The following USP32 variants were observed in gnomAD, a reference collection of about 807,000 sequenced individuals.
USP32 encodes ubiquitin carboxyl-terminal hydrolase 32.
In USP32, 59 loss-of-function variants were observed where a neutral mutation model predicts 204.8. The ratio of observed to expected loss-of-function variants is 0.29; its 90% CI spans 0.23 to 0.36. USP32 has a LOEUF of 0.36. Ranked by LOEUF, USP32 falls within the 10% of genes least tolerant of loss-of-function variation. USP32 has a pLI of 1.00. For missense variants in USP32, 1,160 were observed against 1,946.4 expected (o/e 0.60, Z 7.60); for synonymous variants, 517 against 678.4 (o/e 0.76, Z 3.70).
chr17:60,392,577 G>T, upstream of USP32: 1 of 437,482 alleles, frequency 2.3e-6, no homozygotes, highest in Non-Finnish European at 4.6e-6. Flanking sequence ...TAACATGGAA[G>T]ACCGCAGAAT....
At chr17:60,418,021 C>T (rs540943074) in intron 1 of USP32, among the ~76,000 whole-genome samples, 19 of 149,234 alleles carry the variant, frequency 1.3e-4, no homozygotes, top group Admixed American at 5.3e-4. Context: ...TGCAATGGCA[C>T]GATCTCGGCT....
chr17:60,268,705 T>G (rs558175891), intron 7 of USP32, among the ~76,000 whole-genome samples: 2 of 152,210 alleles, frequency 1.3e-5, no homozygotes, highest in Admixed American at 1.3e-4. Flanking sequence ...AGATTTGAAT[T>G]TTTAGTTGAA....
At chr17:60,215,644 G>A (rs1344847159) in intron 16 of USP32, among the ~76,000 whole-genome samples, 1 of 151,756 alleles carries the variant, frequency 6.6e-6, no homozygotes, top group African/African-American at 2.4e-5. Flanking sequence ...TGGCACAGTG[G>A]TACAACTGCA....
intron 2 of USP32, among the ~76,000 whole-genome samples, chr17:60,331,643 C>T (rs1180904735): frequency 6.9e-6 from 1 of 143,972 alleles, no homozygotes; most frequent in Non-Finnish European, 1.5e-5. Context: ...GGCACAGTGG[C>T]TCACACCTGT....
intron 30 of USP32, among the ~76,000 whole-genome samples, chr17:60,184,422 A>C (rs902541714): frequency 3.3e-5 from 5 of 152,036 alleles, no homozygotes; most frequent in East Asian, 1.9e-4. Flanking sequence ...CAATGTTATT[A>C]ATTTCTTGTG....
Position 60,407,873 on chromosome 17 carries a change from G to A in USP32, c.106+14373C>T, listed in dbSNP as rs192582688. 2.5e-4 allele frequency among the ~76,000 whole-genome samples: 38 copies of A among 151,886 alleles called. 1 individual carries two copies. The highest frequency in any genetic ancestry group is 2.0e-3 in the Admixed American group (30 of 15,240). On this transcript the variant is annotated intron_variant, in intron 1 of 3. Coordinates refer to the USP32 transcript ENST00000588898. ...AGCACTTTGGGAGGCCAAGGCAGGC[G>A]GATTGCCTGAGGTCAGGAGTTCGAG...
chr17:60,363,422 T>C (rs1255063581), intron 1 of USP32, among the ~76,000 whole-genome samples: 2 of 146,160 alleles, frequency 1.4e-5, no homozygotes, highest in South Asian at 2.3e-4. Context: ...GCCACTGCAC[T>C]TCGGCCTGGG....
rs528185381 is a variant in USP32 at position 60,247,688 on chromosome 17, G to T, written c.1136+4693C>A. On this transcript the variant is annotated intron_variant, in intron 11 of 33. Coordinates refer to ENST00000300896, the MANE Select transcript of USP32 (RefSeq NM_032582.4). ...GTTTGTTTGTTTTGGTTTTTTTTTTGTTTGTTTGTTTTTGAGACAGAGTCT... is the reference window on the plus strand; with the variant it reads ...GTTTGTTTGTTTTGGTTTTTTTTTTTTTTGTTTGTTTTTGAGACAGAGTCT... 2.7e-4 allele frequency among the ~76,000 whole-genome samples: 40 copies of T among 149,062 alleles called. 1 individual carries two copies. The highest frequency in any genetic ancestry group is 7.7e-4 in the African/African-American group (31 of 40,100).
At chr17:60,387,479 G>A (rs1017845351) in intron 1 of USP32, among the ~76,000 whole-genome samples, 3 of 152,116 alleles carry the variant, frequency 2.0e-5, no homozygotes, top group East Asian at 3.8e-4. Flanking sequence ...CTGTATTTCC[G>A]TAGCACTTTC....
chr17:60,405,009 C>T (rs2089964420), intron 1 of USP32, among the ~76,000 whole-genome samples: 1 of 152,014 alleles, frequency 6.6e-6, no homozygotes, highest in Non-Finnish European at 1.5e-5. Flanking sequence ...AAACCCTCGT[C>T]TCTACTAAAA....
chr17:60,330,982 G>A (rs2088368441), intron 2 of USP32, among the ~76,000 whole-genome samples: 1 of 152,060 alleles, frequency 6.6e-6, no homozygotes, highest in Non-Finnish European at 1.5e-5. Flanking sequence ...TTTCACTCAA[G>A]CTAGTCATAT....
intron 11 of USP32, chr17:60,245,380 G>T: frequency 2.4e-6 from 1 of 408,338 alleles, no homozygotes; most frequent in East Asian, 7.5e-5. Context: ...GTTCTTGGAG[G>T]AAACACTGTG....
intron 1 of USP32, among the ~76,000 whole-genome samples, chr17:60,385,190 G>A (rs1285881016): frequency 1.3e-5 from 2 of 152,034 alleles, no homozygotes; most frequent in African/African-American, 2.4e-5. Context: ...CTCCCCCACT[G>A]GGCACCTCGT....
At chr17:60,225,986 A>C (rs2085376143) in intron 13 of USP32, 53 bp downstream of exon 13, 10 of 1,472,252 alleles carry the variant, frequency 6.8e-6, no homozygotes, top group Non-Finnish European at 8.2e-6. Context: ...GAAAAGAAAG[A>C]CCTATCCAGG....
At chr17:60,262,552 C>T (rs1227117492) in intron 9 of USP32, among the ~76,000 whole-genome samples, 1 of 152,132 alleles carries the variant, frequency 6.6e-6, no homozygotes, top group Non-Finnish European at 1.5e-5. Flanking sequence ...AAAATAGTGT[C>T]AGCTGATCAC....
chr17:60,259,900 G>A (rs1013159181), intron 9 of USP32, among the ~76,000 whole-genome samples: 5 of 152,104 alleles, frequency 3.3e-5, no homozygotes, highest in African/African-American at 1.2e-4. Context: ...TTATTTAGAA[G>A]TTTGGTGATA....
chr17:60,185,132 C>G (rs2084218926), intron 30 of USP32, among the ~76,000 whole-genome samples: 1 of 152,188 alleles, frequency 6.6e-6, no homozygotes, highest in African/African-American at 2.4e-5. Flanking sequence ...TAAGCTTCCT[C>G]TCTCCACAGA....
chr17:60,243,286 T>C (rs1325569668), intron 11 of USP32, among the ~76,000 whole-genome samples: 1 of 152,238 alleles, frequency 6.6e-6, no homozygotes, highest in African/African-American at 2.4e-5. Flanking sequence ...TTTCTACACA[T>C]AGGATCATGT....
At chr17:60,371,253 TAAAAAAAAAA>T (rs373242290) in intron 1 of USP32, among the ~76,000 whole-genome samples, 5 of 66,278 alleles carry the variant, frequency 7.5e-5, no homozygotes, top group East Asian at 4.0e-4. Flanking sequence ...CTCTAAAAAT[TAAAAAAAAAA>T]AAAAAAAAAA....
Sources: gnomAD v4.1 joint callset for allele counts (sites outside exome capture counted in the v4.1 genomes callset) on GRCh38, gnomAD v4.1.1 for gene constraint, MANE v1.5 for transcripts, NCBI Gene and HGNC (gene_info 2026-07-23, HGNC 2026-07-21) for gene names.